SIPA1L1: variants seen among roughly 807,000 people sequenced by gnomAD.
SIPA1L1 encodes signal induced proliferation associated 1 like 1.
SIPA1L1 carries 26 observed loss-of-function variants against 162.7 expected under a neutral mutation model. The ratio of observed to expected loss-of-function variants is 0.16; its 90% CI spans 0.12 to 0.22. SIPA1L1 has a LOEUF of 0.22. Ranked by LOEUF, SIPA1L1 falls within the 10% of genes least tolerant of loss-of-function variation. The probability of loss-of-function intolerance (pLI) is 1.00; values close to 1 mark genes in which losing one functional copy is unlikely to be tolerated. For missense variants in SIPA1L1, 1,874 were observed against 2,241.0 expected, an observed-to-expected ratio of 0.84 and a Z score of 3.31; for synonymous variants, 829 against 837.4, an observed-to-expected ratio of 0.99 and a Z score of 0.17.
intron 2 of SIPA1L1, among the ~76,000 whole-genome samples, chr14:71,492,244 T>G (rs1049124078): frequency 6.6e-6 from 1 of 152,170 alleles, no homozygotes; most frequent in Non-Finnish European, 1.5e-5. Context: ...TGCTTGAAGT[T>G]TCAAGGGGAG....
At chr14:71,711,397 T>C (rs1005898962) in intron 17 of SIPA1L1, among the ~76,000 whole-genome samples, 1 of 152,246 alleles carries the variant, frequency 6.6e-6, no homozygotes, top group Non-Finnish European at 1.5e-5. Flanking sequence ...ACTTAGAACA[T>C]TTTGCATATC....
chr14:71,725,345 A>C (rs1435502137), intron 19 of SIPA1L1, among the ~76,000 whole-genome samples: 1 of 152,172 alleles, frequency 6.6e-6, no homozygotes, highest in Non-Finnish European at 1.5e-5. Context: ...TCTCATTGCC[A>C]CACCCCCAAA....
intron 12 of SIPA1L1, among the ~76,000 whole-genome samples, chr14:71,681,693 G>GT (rs1413943775): frequency 6.6e-6 from 1 of 152,126 alleles, no homozygotes; most frequent in Non-Finnish European, 1.5e-5. Context: ...GGCTTATAGG[G>GT]ACCAAGCCAT....
intron 5 of SIPA1L1, among the ~76,000 whole-genome samples, chr14:71,610,670 T>G (rs1326261934): frequency 6.6e-6 from 1 of 152,222 alleles, no homozygotes; most frequent in Admixed American, 6.5e-5. Flanking sequence ...ACAGAAAAGT[T>G]GGAATGTATG....
intron 7 of SIPA1L1, among the ~76,000 whole-genome samples, chr14:71,628,857 C>T (rs1166420490): frequency 6.6e-6 from 1 of 152,150 alleles, no homozygotes. Flanking sequence ...CTCGGAAGGA[C>T]AGAAGCACAC....
intron 5 of SIPA1L1, among the ~76,000 whole-genome samples, chr14:71,592,460 A>G (rs2035526081): frequency 6.6e-6 from 1 of 152,246 alleles, no homozygotes; most frequent in African/African-American, 2.4e-5. Context: ...TCCTAATCAG[A>G]ACCTTAAAGC....
At chr14:71,443,110 G>C (rs2045046467) in intron 2 of SIPA1L1, among the ~76,000 whole-genome samples, 1 of 152,168 alleles carries the variant, frequency 6.6e-6, no homozygotes, top group Non-Finnish European at 1.5e-5. Flanking sequence ...GTATTAGTTA[G>C]GGAGGTAAAC....
chr14:71,456,620 C>T (rs1218662021), intron 2 of SIPA1L1, among the ~76,000 whole-genome samples: 1 of 152,036 alleles, frequency 6.6e-6, no homozygotes, highest in Non-Finnish European at 1.5e-5. Flanking sequence ...ATAGTGTTGG[C>T]TTATTATTAC....
intron 17 of SIPA1L1, among the ~76,000 whole-genome samples, chr14:71,711,820 C>T (rs1455361983): frequency 6.6e-6 from 1 of 152,194 alleles, no homozygotes. Flanking sequence ...TTAGAAATAA[C>T]TCTCCTATTG....
At chr14:71,428,130 C>T (rs915395147) in intron 2 of SIPA1L1, among the ~76,000 whole-genome samples, 5 of 151,668 alleles carry the variant, frequency 3.3e-5, no homozygotes, top group African/African-American at 1.2e-4. Context: ...GCAGCTGGGA[C>T]TATAGGTGTG....
chr14:71,711,873 G>A (rs557739136), intron 17 of SIPA1L1, among the ~76,000 whole-genome samples: 1 of 152,286 alleles, frequency 6.6e-6, no homozygotes, highest in East Asian at 1.9e-4. Flanking sequence ...GGCCATTCAG[G>A]GAGGGTGGCA....
At chr14:71,646,591 C>G (rs1412472736) in intron 7 of SIPA1L1, among the ~76,000 whole-genome samples, 3 of 152,220 alleles carry the variant, frequency 2.0e-5, no homozygotes, top group Admixed American at 6.5e-5. Flanking sequence ...GACCCCTTTA[C>G]TTTGTTGAGA....
intron 2 of SIPA1L1, among the ~76,000 whole-genome samples, chr14:71,461,866 T>G (rs2046628051): frequency 6.6e-6 from 1 of 152,168 alleles, no homozygotes; most frequent in African/African-American, 2.4e-5. Context: ...CAGGCCCTAG[T>G]CTTCTCTTCC....
At chr14:71,669,553 T>C (rs1388712359) in intron 10 of SIPA1L1, among the ~76,000 whole-genome samples, 1 of 152,218 alleles carries the variant, frequency 6.6e-6, no homozygotes, top group Non-Finnish European at 1.5e-5. Flanking sequence ...CAGCATCTTT[T>C]GCTTGACTTT....
In SIPA1L1 at chr14:71,361,632, C is replaced by A. The variant is rs1462291090; in HGVS notation, c.-465+40451C>A. On this transcript the variant is annotated intron_variant, in intron 2 of 23. Coordinates refer to ENST00000381232, the MANE Select transcript of SIPA1L1 (RefSeq NM_001386936.1). ...GCCTTTTTCTACTACGTGGGGTGAA[C>A]TGTATGAGCCTTTTAGCAGTTTTTG... Among the ~76,000 whole-genome samples the A allele has an allele frequency of 8.5e-5, 13 of 152,122 alleles. 1 individual carries two copies. Among genetic ancestry groups the A allele is most frequent in the Admixed American group, 6.5e-4 (10 of 15,272 alleles).
intron 5 of SIPA1L1, among the ~76,000 whole-genome samples, chr14:71,604,388 C>G (rs1055452365): frequency 6.6e-6 from 1 of 152,116 alleles, no homozygotes; most frequent in Non-Finnish European, 1.5e-5. Flanking sequence ...AGCATTCTTT[C>G]TGCCTCAACC....
In SIPA1L1 at chr14:71,588,443, T is replaced by C. The variant is rs768567740; in HGVS notation, c.571T>C (p.Cys191Arg). ...ACTTGATGTGGATAGCTTTGATGAA[T>C]GTATCTCACCTACATACAAGACTGG... Reference protein sequence around the residue: ...SELDVDSFDECISPTYKTGPS... With the variant: ...SELDVDSFDERISPTYKTGPS... The change falls in exon 5 of 24, where the codon TGT (cysteine) becomes CGT (arginine). Residue 191 changes from cysteine to arginine, a missense_variant. Around this residue, in one of 5 missense-constraint regions of SIPA1L1, gnomAD observed 685 missense variants for 828.0 expected, o/e 0.83. Transcript: ENST00000381232. This position sits in a 1 kb window ranked among gnomAD's most constrained non-coding sequence, Gnocchi z 4.3. 16 of 1,614,024 alleles carry C rather than the reference T, an allele frequency of 9.9e-6. No homozygotes were observed. The highest frequency in any genetic ancestry group is 1.4e-5 in the Non-Finnish European group (16 of 1,179,986).
At chr14:71,732,334 A>G (rs565612656) in intron 20 of SIPA1L1, among the ~76,000 whole-genome samples, 9 of 152,280 alleles carry the variant, frequency 5.9e-5, no homozygotes, top group Admixed American at 3.9e-4. Flanking sequence ...GTGTGTTTGC[A>G]TGGACCTGAG....
At chr14:71,625,415 T>C (rs2039875625) in intron 7 of SIPA1L1, among the ~76,000 whole-genome samples, 1 of 152,020 alleles carries the variant, frequency 6.6e-6, no homozygotes, top group South Asian at 2.1e-4. Flanking sequence ...TTCTGTTGCC[T>C]CAGCCTCTCG....
Sources: gnomAD v4.1 joint callset for allele counts (sites outside exome capture counted in the v4.1 genomes callset) on GRCh38, gnomAD v4.1.1 for gene constraint, gnomAD v4.1.1 regional missense constraint, Gnocchi (gnomAD v3.1) non-coding constraint, MANE v1.5 for transcripts, NCBI Gene and HGNC (gene_info 2026-07-23, HGNC 2026-07-21) for gene names.